The following ZFPM1 variants were observed in gnomAD, a reference collection of about 807,000 sequenced individuals.
ZFPM1 encodes the protein zinc finger protein ZFPM1.
A neutral mutation model predicts 46.3 loss-of-function variants in ZFPM1; 28 were observed. The ratio of observed to expected loss-of-function variants is 0.60; its 90% confidence interval spans 0.45 to 0.83. The LOEUF (loss-of-function observed/expected upper bound fraction) is 0.83, where lower values mean the gene tolerates loss of function less well. Ranked by LOEUF, ZFPM1 falls within the 40% of genes least tolerant of loss-of-function variation. ZFPM1 has a pLI of 0.00. For synonymous variants in ZFPM1, 957 were observed against 675.9 expected (o/e 1.42, Z -6.45); for missense variants, 1,878 against 1,432.4 (o/e 1.31, Z -5.02).
At chr16:88,508,117 C>T (rs933435090) in intron 3 of ZFPM1, among the ~76,000 whole-genome samples, 5 of 152,036 alleles carry the variant, frequency 3.3e-5, no homozygotes, top group Non-Finnish European at 5.9e-5. Flanking sequence ...GCCAACATGG[C>T]GAAACCCCTT....
At position 88,469,963 on chromosome 16, in the gene ZFPM1, A is replaced by G. The variant is rs1373662221; in HGVS notation, c.41-15976A>G. Among the ~76,000 whole-genome samples, 1 of 152,106 alleles carries G rather than the reference A, an allele frequency of 6.6e-6. No individual in the cohort carries two copies. Among genetic ancestry groups the G allele is most frequent in the African/African-American group, 2.4e-5 (1 of 41,438 alleles). ...TCTGCAGAGGGGTCTCCACACATGC[A>G]GGCAGCTCTGTCCTCTCCCAGGACA... On this transcript the variant is annotated intron_variant, in intron 1 of 9. Coordinates refer to ENST00000319555, the MANE Select transcript of ZFPM1 (RefSeq NM_153813.3). The surrounding 1 kb of genome is among the most constrained non-coding windows in gnomAD (Gnocchi z 4.3).
chr16:88,532,993 G>C (rs1202271590), intron 9 of ZFPM1, 58 bp downstream of exon 9: 4 of 1,601,630 alleles, frequency 2.5e-6, no homozygotes, highest in Admixed American at 3.4e-5. Flanking sequence ...AGTGGGAAGG[G>C]AGTGGGCTTG....
Position 88,453,312 on chromosome 16 carries a change from T to TGCTCCGCCGCTCGCCGCCC in ZFPM1, c.-324_-306dup, listed in dbSNP as rs1438390900. 2 of 146,118 alleles carry TGCTCCGCCGCTCGCCGCCC rather than the reference T, an allele frequency of 1.4e-5. No homozygotes were observed. Among genetic ancestry groups the TGCTCCGCCGCTCGCCGCCC allele is most frequent in the Non-Finnish European group, 3.0e-5 (2 of 65,810 alleles). The allele number at this position is 146,118 out of a possible 1,614,324, so 9.1% of individuals were successfully genotyped here. On this transcript the variant is annotated 5_prime_UTR_variant, in exon 1 of 10. Coordinates refer to ENST00000319555, the MANE Select transcript of ZFPM1 (RefSeq NM_153813.3). ...CAGGAGCGCCCTCGCAGTGGCCGCC[T>TGCTCCGCCGCTCGCCGCCC]GCTCCGCCGCTCGCCGCCCGCGGGT...
chr16:88,463,514 C>G (rs991197611), intron 1 of ZFPM1, among the ~76,000 whole-genome samples: 6 of 152,276 alleles, frequency 3.9e-5, no homozygotes, highest in Admixed American at 2.0e-4. Flanking sequence ...CTGCCTCGCA[C>G]TAGGCCACCG....
rs1181672760 is a variant in ZFPM1, at chr16:88,455,132, G to GGGGT, written c.40+1455_40+1456insGGTG. ...CCTGAGCGCCTATGTTCGGTTCTGG[G>GGGGT]GTGTGTGTGTGTGTGTGTGTGTGTG... is the stretch of plus-strand genomic sequence containing the variant. On this transcript the variant is annotated intron_variant, in intron 1 of 9. Transcript: ENST00000319555. Among the ~76,000 whole-genome samples the GGGGT allele has an allele frequency of 2.1e-3, 303 of 141,768 alleles. 2 individuals are homozygous for GGGGT. Among genetic ancestry groups the GGGGT allele is most frequent in the African/African-American group, 6.4e-3 (237 of 37,198 alleles). 93.0% of individuals were successfully genotyped at this position (141,768 alleles called of 152,430 possible).
upstream of ZFPM1, among the ~76,000 whole-genome samples, chr16:88,453,008 T>A (rs1278710421): frequency 6.7e-6 from 1 of 150,208 alleles, no homozygotes; most frequent in Non-Finnish European, 1.5e-5. Flanking sequence ...GGACAGTGCC[T>A]TGAAGGCCCA....
At chr16:88,463,216 G>C (rs1907979630) in intron 1 of ZFPM1, among the ~76,000 whole-genome samples, 1 of 152,250 alleles carries the variant, frequency 6.6e-6, no homozygotes, top group Admixed American at 6.5e-5. Flanking sequence ...CTGCTGGGTA[G>C]TCCTCCGGGG....
chr16:88,489,652 C>A (rs1018422877), intron 3 of ZFPM1, among the ~76,000 whole-genome samples: 1 of 152,238 alleles, frequency 6.6e-6, no homozygotes, highest in African/African-American at 2.4e-5. Flanking sequence ...CATCCACATA[C>A]CCCGCGGGGC....
chr16:88,472,855 C>G lies in ZFPM1; in HGVS notation c.41-13084C>G, dbSNP rs185229963. On this transcript the variant is annotated intron_variant, in intron 1 of 9. Coordinates refer to ENST00000319555, the MANE Select transcript of ZFPM1 (RefSeq NM_153813.3). ...CAGCCCCACTCCAGCATCCTAGGCTCCGCCTCTGTGGGTTGGAGGCTGATG... is the reference window on the plus strand; with the variant it reads ...CAGCCCCACTCCAGCATCCTAGGCTGCGCCTCTGTGGGTTGGAGGCTGATG... 1.6e-4 allele frequency among the ~76,000 whole-genome samples: 24 copies of G among 152,382 alleles called. 1 individual carries two copies. In the East Asian group the frequency reaches 4.4e-3, roughly 28 times the overall value.
At chr16:88,513,440 G>T (rs1384892437) in intron 3 of ZFPM1, 1 of 152,342 alleles carries the variant, frequency 6.6e-6, no homozygotes, top group Admixed American at 6.5e-5. Context: ...CGGGGCTCCA[G>T]GAAGTGGGGC....
chr16:88,498,822 G>C (rs894003924), intron 3 of ZFPM1, among the ~76,000 whole-genome samples: 2 of 152,234 alleles, frequency 1.3e-5, no homozygotes, highest in Non-Finnish European at 1.5e-5. Flanking sequence ...AGAGGTCGCA[G>C]GCTCTGGCTG....
chr16:88,471,700 C>T lies in ZFPM1; in HGVS notation c.41-14239C>T, dbSNP rs1434622613. The stretch of plus-strand genomic sequence containing the variant: ...CACACAGTGGAGGGGTCAGGGCTCC[C>T]GGCTCTAAAGCCACATGGCCTGGGC... On this transcript the variant is annotated intron_variant, in intron 1 of 9. Transcript: ENST00000319555. This position sits in a 1 kb window ranked among gnomAD's most constrained non-coding sequence, Gnocchi z 4.1. Among the ~76,000 whole-genome samples the T allele has an allele frequency of 2.0e-5, 3 of 152,246 alleles. No homozygotes were observed. Among genetic ancestry groups the T allele is most frequent in the African/African-American group, 2.4e-5 (1 of 41,466 alleles).
chr16:88,501,650 C>T lies in ZFPM1; in HGVS notation c.268+12497C>T, dbSNP rs1323096794. On this transcript the variant is annotated intron_variant, in intron 3 of 9. Coordinates refer to ENST00000319555, the MANE Select transcript of ZFPM1 (RefSeq NM_153813.3). ...GTGGGCCTGGGTGCGTGGGCCATCGCGCAGGTGCTGGTGATGATAGAGATA... is the reference window on the plus strand; with the variant it reads ...GTGGGCCTGGGTGCGTGGGCCATCGTGCAGGTGCTGGTGATGATAGAGATA... Among the ~76,000 whole-genome samples the T allele has an allele frequency of 1.5e-5, 2 of 132,320 alleles. 1 individual carries two copies. The highest frequency in any genetic ancestry group is 5.8e-5 in the African/African-American group (2 of 34,462). 86.8% of individuals were successfully genotyped at this position (132,320 alleles called of 152,430 possible). A position where few individuals can be genotyped will look rare whatever the true frequency, so the allele number is the denominator to read the frequency against.
intron 3 of ZFPM1, among the ~76,000 whole-genome samples, chr16:88,504,523 G>A (rs754499052): frequency 6.6e-6 from 1 of 152,190 alleles, no homozygotes; most frequent in African/African-American, 2.4e-5. Flanking sequence ...ACATGAGGCT[G>A]TGGCTTTCAG....
In ZFPM1 at chr16:88,503,744, C is replaced by T. The variant is rs758158831; in HGVS notation, c.269-10643C>T. Among the ~76,000 whole-genome samples the T allele has an allele frequency of 8.2e-4, 125 of 152,296 alleles. 1 individual carries two copies. The highest frequency in any genetic ancestry group is 1.6e-3 in the Non-Finnish European group (112 of 68,010). On this transcript the variant is annotated intron_variant, in intron 3 of 9. Coordinates refer to ENST00000319555, the MANE Select transcript of ZFPM1 (RefSeq NM_153813.3). ...AGTTCACGGAAGCACCTTCTGCCTC[C>T]GGGACTCACATGGGGCTGGGCTCAC...
At chr16:88,513,023 G>A (rs1436433962) in intron 3 of ZFPM1, 1 of 152,268 alleles carries the variant, frequency 6.6e-6, no homozygotes, top group African/African-American at 2.4e-5. Context: ...TCCCCCATAG[G>A]GCCGCGGGGT....
chr16:88,534,055 C>G lies in ZFPM1; in HGVS notation c.2097C>G (p.Thr699=). 2 of 1,305,998 alleles carry G rather than the reference C, an allele frequency of 1.5e-6. No individual in the cohort carries two copies. The highest frequency in any genetic ancestry group is 2.0e-6 in the Non-Finnish European group (2 of 1,008,530). The allele number at this position is 1,305,998 out of a possible 1,614,324, so 80.9% of individuals were successfully genotyped here. A position where few individuals can be genotyped will look rare whatever the true frequency, so the allele number is the denominator to read the frequency against. ...GCTTCAGCCGCCACGAGACCTACACCGTGCACAAGCGGTACTACTGCGCCT... is the reference window on the plus strand; with the variant it reads ...GCTTCAGCCGCCACGAGACCTACACGGTGCACAAGCGGTACTACTGCGCCT... ...NIRFSRHETY[T]VHKRYYCASR... Residue 699 remains threonine, a synonymous_variant, in exon 10 of 10, where the codon ACC becomes ACG. Coordinates refer to ENST00000319555, the MANE Select transcript of ZFPM1 (RefSeq NM_153813.3).
Position 88,486,014 on chromosome 16 carries a change from C to T in ZFPM1, c.116C>T (p.Ala39Val). The T allele has an allele frequency of 6.2e-7, 1 of 1,612,706 alleles. No homozygotes were observed. The highest frequency in any genetic ancestry group is 8.5e-7 in the Non-Finnish European group (1 of 1,179,900). The change falls in exon 2 of 10, where the codon GCA (alanine) becomes GTA (valine). Residue 39 changes from alanine (A) to valine (V), a missense_variant. Transcript: ENST00000319555. ...AGCCACATGGAGCAAAAGGCCACGG[C>T]ACCTGAAGCCCCGAGCCCTCCCAGC... ...GASHMEQKAT[A>V]PEAPSPPSAD...
At chr16:88,455,630 C>G (rs1201266393) in intron 1 of ZFPM1, among the ~76,000 whole-genome samples, 2 of 151,988 alleles carry the variant, frequency 1.3e-5, no homozygotes, top group Non-Finnish European at 2.9e-5. Flanking sequence ...CCGCCCACCC[C>G]CCACCCGCGC....
Sources: allele counts gnomAD v4.1 joint callset (sites outside exome capture counted in the v4.1 genomes callset), GRCh38; gene constraint gnomAD v4.1.1; non-coding constraint Gnocchi (gnomAD v3.1); transcripts MANE v1.5; gene names NCBI Gene and HGNC (gene_info 2026-07-23, HGNC 2026-07-21).